Variants in NEK11 observed in about 807,000 individuals in gnomAD.
NEK11 encodes serine/threonine-protein kinase Nek11.
Under a neutral mutation model 80.7 loss-of-function variants are expected in NEK11, and 72 were observed. That is an observed-to-expected ratio of 0.89 (90% CI 0.74 to 1.08). NEK11 has a LOEUF of 1.08. Ranked by LOEUF, NEK11 falls within the 50% of genes least tolerant of loss-of-function variation. The pLI is 0.00. For synonymous variants in NEK11, 251 were observed against 260.7 expected, an observed-to-expected ratio of 0.96 and a Z score of 0.36; for missense variants, 764 against 763.6, an observed-to-expected ratio of 1.00 and a Z score of -0.01.
chr3:131,085,722 T>C (rs2075885005), intron 4 of NEK11, among the ~76,000 whole-genome samples: 1 of 152,180 alleles, frequency 6.6e-6, no homozygotes, highest in South Asian at 2.1e-4. Context: ...TTAATTGTAA[T>C]ATGTTTGCAG....
At chr3:131,032,293 A>T (rs1388539897) in intron 3 of NEK11, among the ~76,000 whole-genome samples, 2 of 152,200 alleles carry the variant, frequency 1.3e-5, no homozygotes, top group East Asian at 1.9e-4. Context: ...AGCAGCTCAT[A>T]TAAATTGAGC....
intron 7 of NEK11, among the ~76,000 whole-genome samples, chr3:131,134,454 G>A (rs1330698971): frequency 6.6e-6 from 1 of 151,474 alleles, no homozygotes; most frequent in African/African-American, 2.4e-5. Context: ...AGGCTGGAGT[G>A]CAGTGGTGTG....
chr3:131,296,129 C>T (rs1340692162), intron 17 of NEK11, among the ~76,000 whole-genome samples: 1 of 152,180 alleles, frequency 6.6e-6, no homozygotes, highest in Non-Finnish European at 1.5e-5. Context: ...GCATGAGCCA[C>T]CACACCTGGC....
chr3:131,166,018 G>A (rs2092188487), intron 12 of NEK11, among the ~76,000 whole-genome samples: 1 of 152,114 alleles, frequency 6.6e-6, no homozygotes, highest in Admixed American at 6.5e-5. Flanking sequence ...AGATTCACAT[G>A]AAATGACCCC....
intron 14 of NEK11, among the ~76,000 whole-genome samples, chr3:131,213,228 G>A (rs2094696556): frequency 6.6e-6 from 1 of 151,786 alleles, no homozygotes; most frequent in African/African-American, 2.4e-5. Flanking sequence ...CCATCTTGCT[G>A]TGTTAAGTTT....
chr3:131,027,550 T>A (rs1322942333), intron 1 of NEK11: 1 of 152,154 alleles, frequency 6.6e-6, no homozygotes, highest in Non-Finnish European at 1.5e-5. Context: ...ACCTAGTATA[T>A]GCCAGGAGGT....
chr3:131,127,523 C>G (rs1209432778), intron 5 of NEK11, among the ~76,000 whole-genome samples: 1 of 151,222 alleles, frequency 6.6e-6, no homozygotes, highest in Non-Finnish European at 1.5e-5. Flanking sequence ...GAATCTAGCT[C>G]TCTATTGAAA....
intron 3 of NEK11, among the ~76,000 whole-genome samples, chr3:131,041,946 G>A (rs567310243): frequency 2.0e-5 from 3 of 152,276 alleles, no homozygotes; most frequent in South Asian, 2.1e-4. Flanking sequence ...TACAGCCCAC[G>A]GAGGGCGAGC....
chr3:131,345,623 G>C (rs1392103778), intron 17 of NEK11, among the ~76,000 whole-genome samples: 1 of 152,166 alleles, frequency 6.6e-6, no homozygotes, highest in Non-Finnish European at 1.5e-5. Context: ...AAACAATATA[G>C]AGGTTCCTAA....
rs369382838 is a variant in NEK11 at position 131,135,432 on chromosome 3, G to T, written c.647+1476G>T. Among the ~76,000 whole-genome samples the T allele has an allele frequency of 1.4e-3, 218 of 152,160 alleles. 1 individual carries two copies. The highest frequency in any genetic ancestry group is 5.0e-3 in the African/African-American group (209 of 41,508). On this transcript the variant is annotated intron_variant, in intron 7 of 17. Transcript: ENST00000383366. Reference sequence around the variant, plus strand: ...CCAAATAAAACCAAACATCACAAAGGTATGTATAGAGGAATAACTAATGAG... The same window carrying T: ...CCAAATAAAACCAAACATCACAAAGTTATGTATAGAGGAATAACTAATGAG...
chr3:131,034,893 A>G (rs1295498587), intron 3 of NEK11, among the ~76,000 whole-genome samples: 1 of 152,054 alleles, frequency 6.6e-6, no homozygotes, highest in African/African-American at 2.4e-5. Flanking sequence ...TCCCTTTCCA[A>G]CTCAATATTA....
intron 3 of NEK11, among the ~76,000 whole-genome samples, chr3:131,045,465 T>A (rs1365520444): frequency 6.6e-6 from 1 of 152,208 alleles, no homozygotes; most frequent in Non-Finnish European, 1.5e-5. Context: ...TTTTGAGAGT[T>A]CCTTTTGGAG....
intron 9 of NEK11, among the ~76,000 whole-genome samples, chr3:131,153,504 G>GT (rs755597467): frequency 1.5e-4 from 23 of 151,030 alleles, no homozygotes; most frequent in South Asian, 8.4e-4. Flanking sequence ...GCTTTTGTTT[G>GT]TTTTTTTTTA....
intron 15 of NEK11, among the ~76,000 whole-genome samples, chr3:131,237,892 C>T (rs373244998): frequency 6.4e-4 from 98 of 152,280 alleles, no homozygotes; most frequent in African/African-American, 2.1e-3. Context: ...ATTCCTACTG[C>T]GAAAGCCATC....
At chr3:131,196,177 A>C (rs1311777365) in intron 14 of NEK11, among the ~76,000 whole-genome samples, 1 of 152,158 alleles carries the variant, frequency 6.6e-6, no homozygotes, top group Non-Finnish European at 1.5e-5. Flanking sequence ...GAGATATGCA[A>C]TGATAAGCAG....
intron 17 of NEK11, among the ~76,000 whole-genome samples, chr3:131,331,876 TG>T (rs1388036299): frequency 5.9e-4 from 90 of 152,300 alleles, no homozygotes; most frequent in African/African-American, 2.0e-3. Context: ...CACAGCGGTC[TG>T]AGATCAAACT....
At chr3:131,200,394 A>C (rs2094182125) in intron 14 of NEK11, among the ~76,000 whole-genome samples, 1 of 152,208 alleles carries the variant, frequency 6.6e-6, no homozygotes, top group African/African-American at 2.4e-5. Context: ...GTGGGAGTAT[A>C]AATTGATGCC....
chr3:131,090,653 C>CA (rs1283227136), intron 4 of NEK11, among the ~76,000 whole-genome samples: 5 of 152,178 alleles, frequency 3.3e-5, no homozygotes, highest in African/African-American at 1.2e-4. Flanking sequence ...GAGTTAAAAT[C>CA]AGACTAAAAA....
chr3:131,107,553 C>T (rs762675800), intron 4 of NEK11, among the ~76,000 whole-genome samples: 24 of 152,014 alleles, frequency 1.6e-4, no homozygotes, highest in African/African-American at 7.2e-5. Context: ...GATGTTTTAT[C>T]GTGTTCAGAG....
Sources: allele counts gnomAD v4.1 joint callset (sites outside exome capture counted in the v4.1 genomes callset), GRCh38; gene constraint gnomAD v4.1.1; transcripts MANE v1.5; gene names NCBI Gene and HGNC (gene_info 2026-07-23, HGNC 2026-07-21).